The following SPTBN1 variants were observed in gnomAD, a reference collection of about 807,000 sequenced individuals.
SPTBN1 encodes spectrin beta, non-erythrocytic 1, also known as spectrin beta chain, non-erythrocytic 1.
Under a neutral mutation model 266.4 loss-of-function variants are expected in SPTBN1, and 32 were observed. The observed-to-expected ratio is 0.12, with a 90% CI of 0.09 to 0.16. The LOEUF (loss-of-function observed/expected upper bound fraction) is 0.16. Among genes scored for constraint, SPTBN1 ranks in the 10% least tolerant of loss-of-function variants. The probability of loss-of-function intolerance (pLI) is 1.00; values close to 1 mark genes in which losing one functional copy is unlikely to be tolerated. For missense variants in SPTBN1, 2,296 were observed against 3,067.1 expected, an observed-to-expected ratio of 0.75 and a Z score of 5.94; for synonymous variants, 1,336 against 1,162.2, an observed-to-expected ratio of 1.15 and a Z score of -3.04.
Position 54,664,399 on chromosome 2 carries a change from T to C in SPTBN1, c.6421-54T>C. 1 of 1,554,720 alleles carries C rather than the reference T, an allele frequency of 6.4e-7. No individual in the cohort carries two copies. The highest frequency in any genetic ancestry group is 8.8e-7 in the Non-Finnish European group (1 of 1,136,144). Reference sequence around the variant, plus strand: ...ATGTGCGAGTCAGGTAGAGCGTATGTGGTCACCCCCATGGCTCACGGAGTT... The same window carrying C: ...ATGTGCGAGTCAGGTAGAGCGTATGCGGTCACCCCCATGGCTCACGGAGTT... On this transcript the variant is annotated intron_variant, in intron 32 of 35. Coordinates refer to ENST00000356805, the MANE Select transcript of SPTBN1 (RefSeq NM_003128.3). This position sits in a 1 kb window ranked among gnomAD's most constrained non-coding sequence, Gnocchi z 5.6.
chr2:54,657,980 C>T lies in SPTBN1; in HGVS notation c.6177C>T (p.His2059=), dbSNP rs780369959. The stretch of plus-strand genomic sequence containing the variant: ...AGGTGGAGAAGCTCATCAAGCGCCA[C>T]GAGGCATTTGAAAAGTCTGCAGCAA... ...VDEVEKLIKR[H]EAFEKSAATW... is the part of the protein sequence containing the mutation. The change falls in exon 30 of 36, where the codon CAC becomes CAT. Residue 2059 remains histidine, a synonymous_variant. Coordinates refer to ENST00000356805, the MANE Select transcript of SPTBN1 (RefSeq NM_003128.3). 46 of 1,614,100 alleles carry T rather than the reference C, an allele frequency of 2.8e-5. No homozygotes were observed. Among genetic ancestry groups the T allele is most frequent in the South Asian group, 9.9e-5 (9 of 91,088 alleles).
chr2:54,497,675 C>A (rs1669041025), intron 1 of SPTBN1, among the ~76,000 whole-genome samples: 1 of 152,170 alleles, frequency 6.6e-6, no homozygotes, highest in Non-Finnish European at 1.5e-5. Flanking sequence ...CCTCAGTCCT[C>A]CAAGCCATAG....
chr2:54,608,809 C>G (rs560947277), intron 3 of SPTBN1, among the ~76,000 whole-genome samples: 31 of 152,268 alleles, frequency 2.0e-4, no homozygotes, highest in African/African-American at 7.0e-4. Context: ...TCCCCCAAAA[C>G]TTTTAATAGC....
intron 4 of SPTBN1, among the ~76,000 whole-genome samples, chr2:54,613,846 G>C (rs566162181): frequency 1.3e-5 from 2 of 152,292 alleles, no homozygotes; most frequent in Non-Finnish European, 2.9e-5. Context: ...CACTCCTCTA[G>C]CTTCACCCCA....
intron 1 of SPTBN1, among the ~76,000 whole-genome samples, chr2:54,522,649 A>AGGGAGAGAG (rs1558802296): frequency 3.6e-5 from 2 of 54,958 alleles, no homozygotes; most frequent in African/African-American, 2.3e-4. Context: ...AGAAAGAAAG[A>AGGGAGAGAG]GAGAGAGAAA....
At chr2:54,614,298 C>T (rs568067545) in intron 4 of SPTBN1, among the ~76,000 whole-genome samples, 1 of 152,246 alleles carries the variant, frequency 6.6e-6, no homozygotes, top group Admixed American at 6.5e-5. Flanking sequence ...CTTGTAGATA[C>T]ATAGGGTCAA....
intron 1 of SPTBN1, among the ~76,000 whole-genome samples, chr2:54,476,058 C>T (rs561208725): frequency 3.9e-5 from 6 of 151,966 alleles, no homozygotes; most frequent in Admixed American, 3.9e-4. Flanking sequence ...AAATTCCCTT[C>T]CATAGTTTAT....
chr2:54,475,056 A>T (rs927053605), intron 1 of SPTBN1, among the ~76,000 whole-genome samples: 1 of 152,080 alleles, frequency 6.6e-6, no homozygotes, highest in East Asian at 1.9e-4. Context: ...AATACAAAAA[A>T]TTAGCCGGGC....
intron 18 of SPTBN1, among the ~76,000 whole-genome samples, chr2:54,641,168 G>C (rs1461168829): frequency 1.3e-5 from 2 of 152,224 alleles, no homozygotes; most frequent in Non-Finnish European, 2.9e-5. Flanking sequence ...TGGTTGCAGA[G>C]TGCTGATGAA....
At chr2:54,514,176 G>A (rs1490676981) in intron 1 of SPTBN1, among the ~76,000 whole-genome samples, 2 of 152,148 alleles carry the variant, frequency 1.3e-5, no homozygotes, top group East Asian at 3.8e-4. Flanking sequence ...GGGGTGCCAT[G>A]TTTCTGTCTC....
rs191776545 is a variant in SPTBN1, at chr2:54,501,657, C to G, written c.-47-24715C>G. 2.1e-3 allele frequency among the ~76,000 whole-genome samples: 320 copies of G among 152,322 alleles called. 2 individuals carry two copies. Among genetic ancestry groups the G allele is most frequent in the Non-Finnish European group, 3.6e-3 (245 of 68,034 alleles). ...CCTCTTCGTGTTTTGGAGGCTTTGT[C>G]TCGTTACTTGCTCACCTTTCTGCTC... On this transcript the variant is annotated intron_variant, in intron 1 of 35. Coordinates refer to ENST00000356805, the MANE Select transcript of SPTBN1 (RefSeq NM_003128.3).
chr2:54,591,425 G>A (rs1675673658), intron 2 of SPTBN1, among the ~76,000 whole-genome samples: 1 of 152,186 alleles, frequency 6.6e-6, no homozygotes, highest in Admixed American at 6.5e-5. Context: ...CATGATTGCT[G>A]TCTCTTACTT....
intron 2 of SPTBN1, among the ~76,000 whole-genome samples, chr2:54,590,710 G>A (rs1306031547): frequency 1.3e-5 from 2 of 152,218 alleles, no homozygotes; most frequent in Non-Finnish European, 2.9e-5. Context: ...AGTGTGCAAG[G>A]TGAGAGTTCA....
At chr2:54,657,267 A>G (rs1680733647) in intron 29 of SPTBN1, among the ~76,000 whole-genome samples, 1 of 152,134 alleles carries the variant, frequency 6.6e-6, no homozygotes, top group Non-Finnish European at 1.5e-5. Flanking sequence ...AACCCCCCAA[A>G]ATAAAACACA....
chr2:54,469,040 A>G (rs979056950), intron 1 of SPTBN1, among the ~76,000 whole-genome samples: 13 of 152,214 alleles, frequency 8.5e-5, no homozygotes, highest in African/African-American at 2.9e-4. Context: ...ATTCTTTACA[A>G]TTCTATCTTG....
intron 1 of SPTBN1, among the ~76,000 whole-genome samples, chr2:54,462,283 C>T (rs1338984737): frequency 3.3e-5 from 5 of 152,212 alleles, no homozygotes; most frequent in Admixed American, 6.5e-5. Context: ...ACTACCTAAA[C>T]CTTTTTATGT....
intron 1 of SPTBN1, among the ~76,000 whole-genome samples, chr2:54,502,624 G>A (rs1669333410): frequency 6.6e-6 from 1 of 152,216 alleles, no homozygotes; most frequent in African/African-American, 2.4e-5. Flanking sequence ...TTCCCTTGAA[G>A]TCAGACAGAG....
intron 1 of SPTBN1, among the ~76,000 whole-genome samples, chr2:54,495,253 C>T (rs1322612940): frequency 2.6e-5 from 4 of 152,120 alleles, no homozygotes; most frequent in Admixed American, 6.5e-5. Flanking sequence ...ACATCACTGA[C>T]GGGTGGTAAG....
intron 1 of SPTBN1, among the ~76,000 whole-genome samples, chr2:54,464,611 T>G (rs1230132840): frequency 6.6e-6 from 1 of 152,210 alleles, no homozygotes; most frequent in Non-Finnish European, 1.5e-5. Flanking sequence ...TAGAGAAGAA[T>G]GCAGTAAATA....
Sources: allele counts gnomAD v4.1 joint callset (sites outside exome capture counted in the v4.1 genomes callset), GRCh38; gene constraint gnomAD v4.1.1; non-coding constraint Gnocchi (gnomAD v3.1); transcripts MANE v1.5; gene names NCBI Gene and HGNC (gene_info 2026-07-23, HGNC 2026-07-21).